SLC26A3: variants seen among roughly 807,000 people sequenced by gnomAD.
SLC26A3 encodes chloride anion exchanger.
In SLC26A3, 64 loss-of-function variants were observed where a neutral mutation model predicts 85.6. That is an observed-to-expected ratio of 0.75 (90% CI 0.61 to 0.92). The LOEUF (loss-of-function observed/expected upper bound fraction) is 0.92, where lower values mean the gene tolerates loss of function less well. Ranked by LOEUF, SLC26A3 falls within the 40% of genes least tolerant of loss-of-function variation. SLC26A3 has a pLI of 0.00. For missense variants in SLC26A3, 922 were observed against 927.3 expected (o/e 0.99, Z 0.07); for synonymous variants, 349 against 336.0 (o/e 1.04, Z -0.42).
chr7:107,789,586 G>T lies in SLC26A3; in HGVS notation c.673C>A (p.Gln225Lys). The change falls in exon 6 of 21, where the codon CAA (glutamine) becomes AAA (lysine). Residue 225 changes from glutamine (Q) to lysine (K), a missense_variant. Coordinates refer to ENST00000340010, the MANE Select transcript of SLC26A3 (RefSeq NM_000111.3). ...GTCAACTGAAAAATGAATTTGAGTT[G>T]GGAAACCAAAACATGAACAGCAGCA... ...TAAAVHVLVS[Q>K]LKFIFQLTVP... 1 of 1,614,008 alleles carries T rather than the reference G, an allele frequency of 6.2e-7. No individual in the cohort carries two copies. The highest frequency in any genetic ancestry group is 8.5e-7 in the Non-Finnish European group (1 of 1,179,952).
chr7:107,802,360 A>G (rs1794614162), intron 1 of SLC26A3, among the ~76,000 whole-genome samples: 1 of 152,126 alleles, frequency 6.6e-6, no homozygotes, highest in South Asian at 2.1e-4. Context: ...TACTTGTGGC[A>G]TAGGGCATTC....
chr7:107,785,021 C>A (rs1370017404), intron 8 of SLC26A3, among the ~76,000 whole-genome samples: 1 of 151,826 alleles, frequency 6.6e-6, no homozygotes, highest in East Asian at 1.9e-4. Context: ...TATTTGCAAT[C>A]AACAAAAACT....
At chr7:107,801,762 T>C (rs1794601427) in intron 1 of SLC26A3, among the ~76,000 whole-genome samples, 1 of 151,960 alleles carries the variant, frequency 6.6e-6, no homozygotes, top group African/African-American at 2.4e-5. Flanking sequence ...GAAATCAAAT[T>C]AGTTGCTTCC....
Position 107,793,860 on chromosome 7 carries a change from C to T in SLC26A3, c.153G>A (p.Lys51=), listed in dbSNP as rs779642889. The change falls in exon 3 of 21, where the codon AAG becomes AAA. Residue 51 remains lysine (K), a synonymous_variant. Coordinates refer to ENST00000340010, the MANE Select transcript of SLC26A3 (RefSeq NM_000111.3). ...VCCSCSPQKA[K]RIVLSLFPIA... ...TGGGGAACAAAGAGAGGACAATTCT[C>T]TTGGCCTTTTGTGGGGAACAGCTGA... 2 of 1,614,086 alleles carry T rather than the reference C, an allele frequency of 1.2e-6. No individual in the cohort carries two copies. The highest frequency in any genetic ancestry group is 4.5e-5 in the East Asian group (2 of 44,878).
intron 1 of SLC26A3, among the ~76,000 whole-genome samples, chr7:107,800,652 G>C (rs2051954): frequency 0.41 from 62,629 of 152,174 alleles, 13,431 homozygotes; most frequent in African/African-American, 0.5. Context: ...GACATAGTAA[G>C]TATACAAGAA....
chr7:107,771,949 A>G (rs992120504), intron 18 of SLC26A3, 105 bp downstream of exon 18: 6 of 794,214 alleles, frequency 7.6e-6, no homozygotes, highest in Admixed American at 1.9e-5. Context: ...GATTTTCATC[A>G]TGATTATATA....
chr7:107,776,725 C>T lies in SLC26A3; in HGVS notation c.1515-19G>A. 1 of 1,607,054 alleles carries T rather than the reference C, an allele frequency of 6.2e-7. No homozygotes were observed. The highest frequency in any genetic ancestry group is 8.5e-7 in the Non-Finnish European group (1 of 1,174,792). On this transcript the variant is annotated intron_variant, in intron 13 of 20. Coordinates refer to ENST00000340010, the MANE Select transcript of SLC26A3 (RefSeq NM_000111.3). ...TTTTGGACTGTAGGGAGAAAAACAC[C>T]AAGTAAATCATTCATGTATGTTTGT...
At chr7:107,794,021 A>C in intron 2 of SLC26A3, 140 bp from the exon 3 acceptor site, 1 of 1,147,264 alleles carries the variant, frequency 8.7e-7, no homozygotes, top group East Asian at 2.5e-5. Context: ...CTTTACCCAT[A>C]ATCAGCTGCC....
intron 3 of SLC26A3, among the ~76,000 whole-genome samples, chr7:107,793,292 A>T (rs1227889487): frequency 2.0e-5 from 3 of 152,236 alleles, no homozygotes; most frequent in Admixed American, 2.0e-4. Flanking sequence ...ACAAATGTTC[A>T]AAATAGCATT....
intron 11 of SLC26A3, 36 bp downstream of exon 11, chr7:107,782,761 A>C: frequency 2.5e-6 from 4 of 1,587,816 alleles, no homozygotes; most frequent in Non-Finnish European, 3.5e-6. Context: ...TTGATTTACC[A>C]CTAAAAGTAG....
chr7:107,790,468 T>C (rs1212954796), intron 5 of SLC26A3, among the ~76,000 whole-genome samples: 1 of 152,204 alleles, frequency 6.6e-6, no homozygotes, highest in Non-Finnish European at 1.5e-5. Flanking sequence ...TAACCAATAA[T>C]ATCATTATCC....
chr7:107,765,687 C>T lies in SLC26A3; in HGVS notation c.*168G>A. The T allele has an allele frequency of 1.8e-6, 1 of 563,242 alleles. No individual in the cohort carries two copies. The highest frequency in any genetic ancestry group is 3.2e-6 in the Non-Finnish European group (1 of 315,316). 34.9% of individuals were successfully genotyped at this position (563,242 alleles called of 1,614,324 possible). A position where few individuals can be genotyped will look rare whatever the true frequency, so the allele number is the denominator to read the frequency against. On this transcript the variant is annotated 3_prime_UTR_variant, in exon 21 of 21. Coordinates refer to ENST00000340010, the MANE Select transcript of SLC26A3 (RefSeq NM_000111.3). The stretch of plus-strand genomic sequence containing the variant: ...TTTAGAATACTTATATAATTTCATA[C>T]TAGATATGTGAAAAATATGCCATGC...
intron 15 of SLC26A3, among the ~76,000 whole-genome samples, chr7:107,775,325 T>C (rs1252138493): frequency 6.6e-6 from 1 of 152,198 alleles, no homozygotes; most frequent in African/African-American, 2.4e-5. Flanking sequence ...TTTATAATTT[T>C]AGTATTATAT....
chr7:107,778,243 C>G lies in SLC26A3; in HGVS notation c.1446G>C (p.Leu482=). 1.2e-6 allele frequency: 2 copies of G among 1,613,700 alleles called. No homozygotes were observed. Among genetic ancestry groups the G allele is most frequent in the Non-Finnish European group, 1.7e-6 (2 of 1,179,872 alleles). Residue 482 remains leucine, a synonymous_variant, in exon 13 of 21, where the codon CTG becomes CTC. Coordinates refer to ENST00000340010, the MANE Select transcript of SLC26A3 (RefSeq NM_000111.3). ...WIMTFIFTIV[L]GLGLGLAASV... ...TAGCTGCCAGGCCTAACCCGAGTCC[C>G]AGGACAATGGTGAAGATGAAGGTCA...
intron 18 of SLC26A3, among the ~76,000 whole-genome samples, chr7:107,770,430 T>G (rs558185073): frequency 6.6e-6 from 1 of 150,864 alleles, no homozygotes; most frequent in Non-Finnish European, 1.5e-5. Flanking sequence ...CTAACATTTT[T>G]TTTTTTTTTT....
chr7:107,801,639 G>C lies in SLC26A3; in HGVS notation c.-89+1472C>G, dbSNP rs145120719. On this transcript the variant is annotated intron_variant, in intron 1 of 20. Transcript: ENST00000340010. The stretch of plus-strand genomic sequence containing the variant: ...ACGATTTTGTTTCTTAGTCGAATAT[G>C]AGCTGTTTAGGAGGTATTAAACATT... Among the ~76,000 whole-genome samples, 17 of 152,278 alleles carry C rather than the reference G, an allele frequency of 1.1e-4. No homozygotes were observed. In the East Asian group the frequency reaches 3.3e-3, roughly 29 times the overall value.
At chr7:107,781,451 ATTATTTCT>A (rs1226226203) in intron 11 of SLC26A3, among the ~76,000 whole-genome samples, 1 of 152,154 alleles carries the variant, frequency 6.6e-6, no homozygotes, top group East Asian at 1.9e-4. Flanking sequence ...AGATTTGGTA[ATTATTTCT>A]TTAGTGTCTC....
chr7:107,786,823 T>G lies in SLC26A3; in HGVS notation c.971+4A>C. 1 of 1,612,296 alleles carries G rather than the reference T, an allele frequency of 6.2e-7. No homozygotes were observed. Among genetic ancestry groups the G allele is most frequent in the Non-Finnish European group, 8.5e-7 (1 of 1,178,394 alleles). On this transcript the variant is annotated splice_donor_region_variant and intron_variant, in intron 8 of 20. Coordinates refer to ENST00000340010, the MANE Select transcript of SLC26A3 (RefSeq NM_000111.3). ...GGTGATGCCATCATCGAAGACACAC[T>G]TACCCAGGATTCATGTCCCCAACCA...
At chr7:107,779,556 G>C (rs1794182138) in intron 12 of SLC26A3, 112 bp downstream of exon 12, 3 of 866,146 alleles carry the variant, frequency 3.5e-6, no homozygotes, top group South Asian at 1.4e-5. Flanking sequence ...TTTTTGAACA[G>C]ATATATAGAA....
Sources: allele counts gnomAD v4.1 joint callset (sites outside exome capture counted in the v4.1 genomes callset), GRCh38; gene constraint gnomAD v4.1.1; transcripts MANE v1.5; gene names NCBI Gene and HGNC (gene_info 2026-07-23, HGNC 2026-07-21).